Variants in DCBLD1 observed in about 807,000 individuals in gnomAD.
DCBLD1 encodes discoidin, CUB and LCCL domain containing 1, also known as discoidin, CUB and LCCL domain-containing protein 1.
A neutral mutation model predicts 71.5 loss-of-function variants in DCBLD1; 57 were observed. That is an observed-to-expected ratio of 0.80 (90% CI 0.64 to 0.99). The LOEUF (loss-of-function observed/expected upper bound fraction) is 0.99. DCBLD1 is among the 50% of genes least tolerant of loss of function. The probability of loss-of-function intolerance (pLI) is 0.00; values close to 1 mark genes in which losing one functional copy is unlikely to be tolerated. For missense variants in DCBLD1, 891 were observed against 923.5 expected (o/e 0.96, Z 0.46); for synonymous variants, 380 against 363.8 (o/e 1.04, Z -0.51).
rs139989863 is a variant in DCBLD1, at chr6:117,532,465, A to C, written c.719+72A>C. On this transcript the variant is annotated intron_variant, in intron 6 of 14. Coordinates refer to ENST00000338728, the MANE Select transcript of DCBLD1 (RefSeq NM_001366458.2). Reference sequence around the variant, plus strand: ...CTGAAGGATAATTAACCAGCTCACAACTTTGAAAAGACAGCAGGGATGTGA... The same window carrying C: ...CTGAAGGATAATTAACCAGCTCACACCTTTGAAAAGACAGCAGGGATGTGA... 11 of 1,466,358 alleles carry C rather than the reference A, an allele frequency of 7.5e-6. No individual in the cohort carries two copies. In the East Asian group the frequency reaches 2.7e-4, roughly 36 times the overall value. 90.8% of individuals were successfully genotyped at this position (1,466,358 alleles called of 1,614,324 possible). A position where few individuals can be genotyped will look rare whatever the true frequency, so the allele number is the denominator to read the frequency against.
intron 1 of DCBLD1, among the ~76,000 whole-genome samples, chr6:117,487,146 A>G (rs1276685706): frequency 6.6e-6 from 1 of 152,074 alleles, no homozygotes; most frequent in African/African-American, 2.4e-5. Context: ...CCCTCTTCCA[A>G]CAAAGTGTAT....
Position 117,537,231 on chromosome 6 carries a change from G to T in DCBLD1, c.760+6G>T. 3 of 1,613,702 alleles carry T rather than the reference G, an allele frequency of 1.9e-6. No individual in the cohort carries two copies. The East Asian group carries it at 6.7e-5, about 36-fold the overall frequency. ...ATTTCTGTTTACCTCCAATGGTAAG[G>T]ATCATGCTTTCCTTAAGAATTTGAT... is the stretch of plus-strand genomic sequence containing the variant. On this transcript the variant is annotated splice_donor_region_variant and intron_variant, in intron 7 of 14. Transcript: ENST00000338728.
chr6:117,508,329 C>A (rs1045272901), intron 2 of DCBLD1, among the ~76,000 whole-genome samples: 2 of 152,054 alleles, frequency 1.3e-5, no homozygotes, highest in African/African-American at 2.4e-5. Context: ...TCAGTTCCCC[C>A]CTCCCTCATT....
intron 14 of DCBLD1, among the ~76,000 whole-genome samples, chr6:117,563,550 C>T (rs1016692768): frequency 6.6e-6 from 1 of 151,784 alleles, no homozygotes; most frequent in Non-Finnish European, 1.5e-5. Flanking sequence ...GGTGAAACCC[C>T]GTCTCTATTA....
intron 14 of DCBLD1, among the ~76,000 whole-genome samples, chr6:117,563,593 A>C (rs572578164): frequency 3.9e-5 from 6 of 152,050 alleles, no homozygotes; most frequent in African/African-American, 1.4e-4. Flanking sequence ...ATGGTGGCAC[A>C]TGCCTGTAAT....
chr6:117,564,004 GTC>G (rs569520551), intron 14 of DCBLD1, among the ~76,000 whole-genome samples: 106 of 149,292 alleles, frequency 7.1e-4, no homozygotes, highest in South Asian at 2.1e-3. Flanking sequence ...CTGAGACAGG[GTC>G]TCACTCTATT....
Position 117,493,596 on chromosome 6 carries a change from A to C in DCBLD1, c.113-10171A>C, listed in dbSNP as rs149996201. Among the ~76,000 whole-genome samples the C allele has an allele frequency of 6.6e-5, 10 of 152,364 alleles. No homozygotes were observed. In the East Asian group the frequency reaches 1.4e-3, roughly 21 times the overall value. The stretch of plus-strand genomic sequence containing the variant: ...GACTACAAAAAACTAAATATCAGTT[A>C]TGCTGCTCAGCAGTAATGTGAGATT... On this transcript the variant is annotated intron_variant, in intron 1 of 14. Transcript: ENST00000338728.
At chr6:117,524,434 C>A (rs909968741) in intron 4 of DCBLD1, among the ~76,000 whole-genome samples, 4 of 152,112 alleles carry the variant, frequency 2.6e-5, no homozygotes, top group Non-Finnish European at 4.4e-5. Context: ...AAACTCCAGA[C>A]CTCAGGTTAT....
chr6:117,504,105 C>A (rs1777758297), intron 2 of DCBLD1, 126 bp downstream of exon 2: 3 of 1,033,450 alleles, frequency 2.9e-6, no homozygotes, highest in South Asian at 1.6e-5. Context: ...TCTGTAAATT[C>A]TTGGGGGTAA....
chr6:117,568,036 A>G (rs1344610815), intron 14 of DCBLD1, among the ~76,000 whole-genome samples: 2 of 151,100 alleles, frequency 1.3e-5, no homozygotes, highest in Non-Finnish European at 1.5e-5. Context: ...CAAAAAAAAA[A>G]AAAAAAAAAA....
intron 2 of DCBLD1, among the ~76,000 whole-genome samples, chr6:117,509,802 C>T (rs1364105515): frequency 2.0e-5 from 3 of 152,118 alleles, no homozygotes; most frequent in East Asian, 3.9e-4. Flanking sequence ...AAGAGTTTGC[C>T]CAAATCATGC....
chr6:117,506,774 G>A (rs1562438375), intron 2 of DCBLD1, among the ~76,000 whole-genome samples: 1 of 152,224 alleles, frequency 6.6e-6, no homozygotes, highest in African/African-American at 2.4e-5. Context: ...CAGAGGCAAG[G>A]CCCTAGTGCC....
chr6:117,543,244 C>T, intron 12 of DCBLD1, 33 bp downstream of exon 12: 1 of 1,597,894 alleles, frequency 6.3e-7, no homozygotes, highest in Non-Finnish European at 8.6e-7. Context: ...AATTTCTTCT[C>T]TAATTATGCG....
chr6:117,501,725 G>A (rs1275617833), intron 1 of DCBLD1, among the ~76,000 whole-genome samples: 4 of 152,122 alleles, frequency 2.6e-5, no homozygotes, highest in Non-Finnish European at 5.9e-5. Flanking sequence ...TCAAAGCCCC[G>A]TGCACTGTGT....
intron 1 of DCBLD1, among the ~76,000 whole-genome samples, chr6:117,488,594 G>A (rs1777171136): frequency 6.6e-6 from 1 of 152,172 alleles, no homozygotes; most frequent in African/African-American, 2.4e-5. Context: ...GCAGTGAGCT[G>A]TGATGCTGCC....
In DCBLD1 at chr6:117,532,357, A is replaced by G. The variant is rs757348762; in HGVS notation, c.683A>G (p.Tyr228Cys). 1 of 1,612,888 alleles carries G rather than the reference A, an allele frequency of 6.2e-7. No individual in the cohort carries two copies. Among genetic ancestry groups the G allele is most frequent in the Non-Finnish European group, 8.5e-7 (1 of 1,179,722 alleles). Residue 228 changes from tyrosine to cysteine, a missense_variant, in exon 6 of 15, where the codon TAT becomes TGT. Transcript: ENST00000338728. ...SVLQRKGISR[Y>C]EGILANGVLS... ...CTTCAGCGCAAAGGGATCAGTCGAT[A>G]TGAAGGGATTCTGGCCAATGGTGTT...
chr6:117,544,399 G>T (rs1779196717), intron 12 of DCBLD1, 129 bp from the exon 13 acceptor site: 1 of 716,774 alleles, frequency 1.4e-6, no homozygotes, highest in Non-Finnish European at 2.1e-6. Flanking sequence ...GCACATGGCA[G>T]CTGCCATCTC....
intron 1 of DCBLD1, 90 bp from the exon 2 acceptor site, chr6:117,503,677 C>A: frequency 7.2e-7 from 1 of 1,384,364 alleles, no homozygotes; most frequent in Non-Finnish European, 1.0e-6. Context: ...CAATAAAATA[C>A]ATAACTTGGA....
intron 2 of DCBLD1, among the ~76,000 whole-genome samples, chr6:117,511,539 AATGTTTATGTT>A (rs1224832411): frequency 4.7e-5 from 7 of 148,880 alleles, no homozygotes; most frequent in Non-Finnish European, 9.1e-5. Context: ...GTCAACTGTT[AATGTTTATGTT>A]ACACTAGGAA....
Sources: allele counts gnomAD v4.1 joint callset (sites outside exome capture counted in the v4.1 genomes callset), GRCh38; gene constraint gnomAD v4.1.1; transcripts MANE v1.5; gene names NCBI Gene and HGNC (gene_info 2026-07-23, HGNC 2026-07-21).